The following LRRC4C variants were observed in gnomAD, a reference collection of about 807,000 sequenced individuals.
LRRC4C encodes leucine rich repeat containing 4C.
Under a neutral mutation model 33.6 loss-of-function variants are expected in LRRC4C, and 5 were observed. The ratio of observed to expected loss-of-function variants is 0.15; its 90% CI spans 0.08 to 0.31. LRRC4C has a LOEUF of 0.31. LRRC4C is among the 10% of genes least tolerant of loss of function. The pLI, the probability that LRRC4C is intolerant of heterozygous loss-of-function variation, is 1.00. For missense variants in LRRC4C, 560 were observed against 796.7 expected (o/e 0.70, Z 3.58); for synonymous variants, 329 against 302.0 (o/e 1.09, Z -0.93).
chr11:41,251,014 G>A (rs1313989141), intron 1 of LRRC4C, among the ~76,000 whole-genome samples: 1 of 152,112 alleles, frequency 6.6e-6, no homozygotes, highest in African/African-American at 2.4e-5. Context: ...TGAAAAAATT[G>A]TTAATTTTTG....
chr11:40,439,379 A>C (rs996902307), intron 3 of LRRC4C, among the ~76,000 whole-genome samples: 2 of 151,952 alleles, frequency 1.3e-5, no homozygotes, highest in Non-Finnish European at 2.9e-5. Flanking sequence ...TGAGAGAATT[A>C]GGCTCAGAAT....
At chr11:41,166,878 T>C (rs1944754673) in intron 1 of LRRC4C, among the ~76,000 whole-genome samples, 1 of 152,160 alleles carries the variant, frequency 6.6e-6, no homozygotes, top group Admixed American at 6.5e-5. Flanking sequence ...TGGCAATTCA[T>C]CTCTAACAAT....
At chr11:40,383,003 T>A (rs1284476966) in intron 3 of LRRC4C, among the ~76,000 whole-genome samples, 1 of 152,142 alleles carries the variant, frequency 6.6e-6, no homozygotes, top group East Asian at 1.9e-4. Flanking sequence ...AACATTGTAC[T>A]CTTTGACTAA....
chr11:40,702,247 G>T (rs1201706243), intron 2 of LRRC4C, among the ~76,000 whole-genome samples: 1 of 151,890 alleles, frequency 6.6e-6, no homozygotes, highest in Non-Finnish European at 1.5e-5. Context: ...TGTAAAATAT[G>T]GTTGCTTTTA....
At chr11:40,254,167 G>T (rs1358461426) in intron 4 of LRRC4C, among the ~76,000 whole-genome samples, 1 of 152,158 alleles carries the variant, frequency 6.6e-6, no homozygotes. Flanking sequence ...TGCCAATAAA[G>T]CTCCAAACTA....
At chr11:40,395,559 A>G (rs145950098) in intron 3 of LRRC4C, among the ~76,000 whole-genome samples, 1 of 152,338 alleles carries the variant, frequency 6.6e-6, no homozygotes, top group East Asian at 1.9e-4. Flanking sequence ...CTGGAGTTTT[A>G]ACAAGTTGCA....
At chr11:40,299,967 A>C (rs1944690694) in intron 4 of LRRC4C, among the ~76,000 whole-genome samples, 1 of 152,200 alleles carries the variant, frequency 6.6e-6, no homozygotes, top group South Asian at 2.1e-4. Flanking sequence ...ACACTGGGTA[A>C]TTGATAAGAA....
intron 3 of LRRC4C, among the ~76,000 whole-genome samples, chr11:40,551,054 C>T (rs574384014): frequency 1.8e-4 from 28 of 152,232 alleles, no homozygotes; most frequent in African/African-American, 6.3e-4. Flanking sequence ...AACACCTCTT[C>T]CCAGTCAGGT....
chr11:41,320,822 G>A (rs916068334), intron 1 of LRRC4C, among the ~76,000 whole-genome samples: 1 of 152,120 alleles, frequency 6.6e-6, no homozygotes, highest in South Asian at 2.1e-4. Context: ...CTTTACATCT[G>A]AGGCTCTGGG....
chr11:41,446,569 G>T (rs1955833789), intron 1 of LRRC4C, among the ~76,000 whole-genome samples: 1 of 152,080 alleles, frequency 6.6e-6, no homozygotes, highest in Admixed American at 6.5e-5. Context: ...TTCTTTCTCA[G>T]TGGTCCCAGG....
chr11:40,579,210 C>T (rs1015513021), intron 3 of LRRC4C, among the ~76,000 whole-genome samples: 1 of 151,992 alleles, frequency 6.6e-6, no homozygotes, highest in African/African-American at 2.4e-5. Context: ...ATGGCATGTG[C>T]CTGTGGTTCC....
At chr11:40,639,235 T>G (rs528162222) in intron 3 of LRRC4C, among the ~76,000 whole-genome samples, 1 of 152,062 alleles carries the variant, frequency 6.6e-6, no homozygotes. Context: ...TCATGTGGTA[T>G]AATTTTCTTT....
chr11:40,427,697 G>C (rs1950767869), intron 3 of LRRC4C, among the ~76,000 whole-genome samples: 1 of 152,008 alleles, frequency 6.6e-6, no homozygotes, highest in East Asian at 1.9e-4. Flanking sequence ...AGATGTGGTG[G>C]TATATGCCTG....
intron 4 of LRRC4C, among the ~76,000 whole-genome samples, chr11:40,262,147 A>G (rs1397131477): frequency 1.3e-5 from 2 of 152,198 alleles, no homozygotes; most frequent in Admixed American, 1.3e-4. Flanking sequence ...AAAAACAAAC[A>G]ACCACATCAA....
chr11:40,305,501 T>G (rs1253980106), intron 4 of LRRC4C, among the ~76,000 whole-genome samples: 1 of 152,188 alleles, frequency 6.6e-6, no homozygotes, highest in East Asian at 1.9e-4. Flanking sequence ...AGGTAGAGAT[T>G]TGAGAAGGCA....
At position 40,289,980 on chromosome 11, in the gene LRRC4C, A is replaced by G. The variant is rs1024195783; in HGVS notation, c.-176+29648T>C. Among the ~76,000 whole-genome samples, 4 of 152,280 alleles carry G rather than the reference A, an allele frequency of 2.6e-5. No individual in the cohort carries two copies. In the East Asian group the frequency reaches 7.7e-4, roughly 29 times the overall value. ...CAGGGAGGAGGTGACACTATCAAGG[A>G]GAGGAATGTGCTTTCAGACCTAATT... On this transcript the variant is annotated intron_variant, in intron 4 of 6. Coordinates refer to ENST00000528697, the MANE Select transcript of LRRC4C (RefSeq NM_001258419.2).
chr11:40,940,486 GA>G (rs1481139025), intron 1 of LRRC4C, among the ~76,000 whole-genome samples: 1 of 152,028 alleles, frequency 6.6e-6, no homozygotes, highest in Non-Finnish European at 1.5e-5. Context: ...TATGTTCTTA[GA>G]TAAGATCCTA....
At chr11:40,627,253 T>TAGAGAGAG (rs58297752) in intron 3 of LRRC4C, among the ~76,000 whole-genome samples, 13 of 129,054 alleles carry the variant, frequency 1.0e-4, no homozygotes, top group African/African-American at 3.6e-4. Context: ...TGTTTCCCAT[T>TAGAGAGAG]AGAGAGAGAG....
At chr11:40,569,355 G>A (rs772663488) in intron 3 of LRRC4C, among the ~76,000 whole-genome samples, 1 of 152,102 alleles carries the variant, frequency 6.6e-6, no homozygotes, top group African/African-American at 2.4e-5. Flanking sequence ...AAGAAATTTA[G>A]TATCCTATCT....
Sources: allele counts gnomAD v4.1 joint callset (sites outside exome capture counted in the v4.1 genomes callset), GRCh38; gene constraint gnomAD v4.1.1; transcripts MANE v1.5; gene names NCBI Gene and HGNC (gene_info 2026-07-23, HGNC 2026-07-21).